Variants in SRRM2 observed in about 807,000 individuals in gnomAD.
SRRM2 encodes serine/arginine repetitive matrix 2.
Under a neutral mutation model 213.8 loss-of-function variants are expected in SRRM2, and 30 were observed. The ratio of observed to expected loss-of-function variants is 0.14; its 90% confidence interval spans 0.10 to 0.19. The LOEUF is 0.19. Ranked by LOEUF, SRRM2 falls within the 10% of genes least tolerant of loss-of-function variation. The pLI is 1.00. For synonymous variants in SRRM2, 2,025 were observed against 1,377.7 expected (o/e 1.47, Z -10.40); for missense variants, 4,904 against 3,647.0 (o/e 1.34, Z -8.88).
Position 2,769,185 on chromosome 16 carries a change from C to A in SRRM2, c.7922C>A (p.Ser2641Tyr), listed in dbSNP as rs761061128. The stretch of plus-strand genomic sequence containing the variant: ...TCTTCTTCTTCTTCCTCCTCATCTT[C>A]CTCCTCCTCGTCGTCTTCCTCCCCT... ...SSSSSSSSSS[S>Y]SSSSSSSPSP... The change falls in exon 12 of 15, where the codon TCC (serine) becomes TAC (tyrosine). Residue 2641 changes from serine (S) to tyrosine (Y), a missense_variant. By Grantham distance (144) the Ser-to-Tyr change is moderately radical (BLOSUM62 -2). Transcript: ENST00000301740. 1.2e-6 allele frequency: 2 copies of A among 1,611,218 alleles called. No homozygotes were observed. The highest frequency in any genetic ancestry group is 1.7e-6 in the Non-Finnish European group (2 of 1,178,470).
At position 2,761,542 on chromosome 16, in the gene SRRM2, C is replaced by T; in HGVS notation, c.1033-19C>T. ...TGGCGTTTATGAATCCCTATCCCTG[C>T]TCTCTCTTCCACTCTTAGAAATCTG... On this transcript the variant is annotated intron_variant, in intron 10 of 14. Coordinates refer to ENST00000301740, the MANE Select transcript of SRRM2 (RefSeq NM_016333.4). The T allele has an allele frequency of 6.8e-7, 1 of 1,480,868 alleles. No homozygotes were observed. Among genetic ancestry groups the T allele is most frequent in the Non-Finnish European group, 9.0e-7 (1 of 1,116,466 alleles). 91.7% of individuals were successfully genotyped at this position (1,480,868 alleles called of 1,614,324 possible).
intron 12 of SRRM2, chr16:2,769,950 A>C: frequency 9.1e-6 from 4 of 439,752 alleles, no homozygotes; most frequent in Non-Finnish European, 1.8e-5. Flanking sequence ...CGCCTGGTGA[A>C]CTCCTCGTTC....
rs542959437 is a variant in SRRM2 at position 2,768,915 on chromosome 16, C to A, written c.7734-82C>A. The stretch of plus-strand genomic sequence containing the variant: ...CGCCTTTCTCAGGCACCCCTCCCCC[C>A]ACTGCCGTTCCTCCAGGCCAAGGAA... On this transcript the variant is annotated intron_variant, in intron 11 of 14. Coordinates refer to ENST00000301740, the MANE Select transcript of SRRM2 (RefSeq NM_016333.4). 1.2e-5 allele frequency: 19 copies of A among 1,585,834 alleles called. No individual in the cohort carries two copies. In the East Asian group the frequency reaches 3.0e-4, roughly 25 times the overall value.
At position 2,762,567 on chromosome 16, in the gene SRRM2, G is replaced by A. The variant is rs145514162; in HGVS notation, c.2039G>A (p.Arg680His). 200 of 1,613,978 alleles carry A rather than the reference G, an allele frequency of 1.2e-4. No homozygotes were observed. Among genetic ancestry groups the A allele is most frequent in the Middle Eastern group, 1.6e-4 (1 of 6,084 alleles). ...RSRTPARRSG[R>H]SRSRTPARRG... ...AGAACCCCAGCTAGACGCAGTGGTC[G>A]CTCACGCTCCAGAACACCAGCCAGG... Residue 680 changes from arginine to histidine, a missense_variant, in exon 11 of 15, where the codon CGC (arginine) becomes CAC (histidine). Physicochemically the swap from Arg to His is conservative, Grantham distance 29. Transcript: ENST00000301740.
At position 2,763,129 on chromosome 16, in the gene SRRM2, A is replaced by G. The variant is rs2068420451; in HGVS notation, c.2601A>G (p.Pro867=). Residue 867 remains proline (P), a synonymous_variant, in exon 11 of 15, where the codon CCA becomes CCG. Transcript: ENST00000301740. ...AGGCCAATGAGCAATCTGTAACGCC[A>G]CAGAGACGGAGCTGTTTTGAATCAT... is the stretch of plus-strand genomic sequence containing the variant. ...SPQANEQSVT[P]QRRSCFESSP... 4.3e-6 allele frequency: 7 copies of G among 1,614,042 alleles called. No individual in the cohort carries two copies. The East Asian group carries it at 6.7e-5, about 15-fold the overall frequency.
chr16:2,755,412 C>T (rs1284814703), intron 1 of SRRM2, among the ~76,000 whole-genome samples: 3 of 152,050 alleles, frequency 2.0e-5, no homozygotes, highest in Non-Finnish European at 4.4e-5. Flanking sequence ...AGGGTTTCTA[C>T]ATAGATTTAG....
At chr16:2,769,929 A>C in intron 12 of SRRM2, 1 of 438,994 alleles carries the variant, frequency 2.3e-6, no homozygotes. Flanking sequence ...TCTGCCTGGA[A>C]TTTCCTTGTC....
At chr16:2,755,071 A>C (rs2068092743) in intron 1 of SRRM2, among the ~76,000 whole-genome samples, 1 of 152,164 alleles carries the variant, frequency 6.6e-6, no homozygotes, top group Non-Finnish European at 1.5e-5. Flanking sequence ...CGTATTCCTT[A>C]GGGTTTTTTC....
chr16:2,761,958 C>T lies in SRRM2; in HGVS notation c.1430C>T (p.Pro477Leu), dbSNP rs777437321. ...AKRDKSHSHT[P>L]SRRMGRSRSP... ...CGGGATAAATCACATTCTCATACCCCCTCCCGTAGGATGGGGAGGTCCCGT... is the reference window on the plus strand; with the variant it reads ...CGGGATAAATCACATTCTCATACCCTCTCCCGTAGGATGGGGAGGTCCCGT... Residue 477 changes from proline to leucine, a missense_variant, in exon 11 of 15, where the codon CCC becomes CTC. By Grantham distance (98) the Pro-to-Leu change is moderately conservative. Coordinates refer to ENST00000301740, the MANE Select transcript of SRRM2 (RefSeq NM_016333.4). 6.2e-7 allele frequency: 1 copy of T among 1,614,092 alleles called. No homozygotes were observed. The highest frequency in any genetic ancestry group is 8.5e-7 in the Non-Finnish European group (1 of 1,179,984).
At chr16:2,757,684 C>T in intron 3 of SRRM2, 97 bp from the exon 4 acceptor site, 1 of 1,581,614 alleles carries the variant, frequency 6.3e-7, no homozygotes, top group Non-Finnish European at 8.6e-7. Flanking sequence ...TTTCGTCTGC[C>T]TTTCCCATGC....
intron 10 of SRRM2, among the ~76,000 whole-genome samples, chr16:2,761,053 C>T (rs1024092947): frequency 5.9e-5 from 9 of 152,222 alleles, no homozygotes; most frequent in African/African-American, 2.2e-4. Flanking sequence ...AACTTAACTA[C>T]TTCCTTATTG....
Position 2,759,085 on chromosome 16 carries a change from T to C in SRRM2, c.656+38T>C, listed in dbSNP as rs761938794. The C allele has an allele frequency of 5.3e-5, 86 of 1,614,092 alleles. 1 individual carries two copies. The Admixed American group carries it at 1.4e-3, about 26-fold the overall frequency. On this transcript the variant is annotated intron_variant, in intron 6 of 14. Coordinates refer to ENST00000301740, the MANE Select transcript of SRRM2 (RefSeq NM_016333.4). Reference sequence around the variant, plus strand: ...AATACTTGAATGACTGGAGAAGGTTTGCTGAATTCAGGCAGAGGTGTTTCT... The same window carrying C: ...AATACTTGAATGACTGGAGAAGGTTCGCTGAATTCAGGCAGAGGTGTTTCT...
intron 2 of SRRM2, 38 bp downstream of exon 2, chr16:2,756,644 G>T (rs765461593): frequency 1.4e-5 from 22 of 1,579,546 alleles, no homozygotes; most frequent in Non-Finnish European, 1.7e-5. Flanking sequence ...CACTGAATGA[G>T]TGCAGAGCTG....
In SRRM2 at chr16:2,766,108, G is replaced by T; in HGVS notation, c.5580G>T (p.Pro1860=). Residue 1860 remains proline (P), a synonymous_variant, in exon 11 of 15, where the codon CCG becomes CCT. Transcript: ENST00000301740. The surrounding 1 kb of genome is among the most constrained non-coding windows in gnomAD (Gnocchi z 7.0). The stretch of plus-strand genomic sequence containing the variant: ...CTCGCTCACGCACATCACCAGCCCC[G>T]TGGAAACGCTCTAGATCTCGAGCCT... ...KRSRSRTSPA[P]WKRSRSRASP... 1 of 1,614,110 alleles carries T rather than the reference G, an allele frequency of 6.2e-7. No individual in the cohort carries two copies. The highest frequency in any genetic ancestry group is 8.5e-7 in the Non-Finnish European group (1 of 1,180,032).
intron 12 of SRRM2, chr16:2,769,986 C>T (rs2068684294): frequency 8.1e-6 from 4 of 492,296 alleles, no homozygotes; most frequent in Admixed American, 5.7e-5. Context: ...AAAACAGCAC[C>T]TTCGAGAAGA....
chr16:2,753,115 G>T (rs2067995495), intron 1 of SRRM2, among the ~76,000 whole-genome samples: 1 of 151,970 alleles, frequency 6.6e-6, no homozygotes, highest in South Asian at 2.1e-4. Flanking sequence ...TGGTGAGGGG[G>T]GAGGGCGCGC....
At chr16:2,759,430 A>G (rs763833569) in intron 8 of SRRM2, 28 bp downstream of exon 8, 4 of 1,594,544 alleles carry the variant, frequency 2.5e-6, no homozygotes, top group South Asian at 1.1e-5. Context: ...GAATTTGCTT[A>G]GGAAGTAAGT....
intron 12 of SRRM2, chr16:2,769,733 C>T (rs969460104): frequency 1.9e-5 from 9 of 470,848 alleles, no homozygotes; most frequent in African/African-American, 3.9e-5. Flanking sequence ...ACAAATCCTT[C>T]GGGACGCCCT....
intron 7 of SRRM2, 31 bp from the exon 8 acceptor site, chr16:2,759,321 T>C: frequency 6.2e-7 from 1 of 1,610,456 alleles, no homozygotes; most frequent in Non-Finnish European, 8.5e-7. Context: ...TTTAAAGAAG[T>C]TACTTTTAAC....
Sources: gnomAD v4.1 joint callset for allele counts (sites outside exome capture counted in the v4.1 genomes callset) on GRCh38, gnomAD v4.1.1 for gene constraint, Gnocchi (gnomAD v3.1) non-coding constraint, MANE v1.5 for transcripts, NCBI Gene and HGNC (gene_info 2026-07-23, HGNC 2026-07-21) for gene names.